The following ESRRB variants were observed in gnomAD, a reference collection of about 807,000 sequenced individuals.
ESRRB encodes the protein estrogen related receptor beta, also known as steroid hormone receptor ERR2.
Under a neutral mutation model 46.0 loss-of-function variants are expected in ESRRB, and 16 were observed. That is an observed-to-expected ratio of 0.35 (90% CI 0.24 to 0.53). The LOEUF (loss-of-function observed/expected upper bound fraction) is 0.53, where lower values mean the gene tolerates loss of function less well. ESRRB is among the 20% of genes least tolerant of loss of function. The probability of loss-of-function intolerance (pLI) is 0.93; values close to 1 mark genes in which losing one functional copy is unlikely to be tolerated. For synonymous variants in ESRRB, 246 were observed against 259.6 expected (o/e 0.95, Z 0.50); for missense variants, 488 against 607.4 (o/e 0.80, Z 2.07).
chr14:76,376,500 T>C lies in ESRRB; in HGVS notation c.50+49T>C. On this transcript the variant is annotated intron_variant, in intron 1 of 6. Transcript: ENST00000644823. This position sits in a 1 kb window ranked among gnomAD's most constrained non-coding sequence, Gnocchi z 4.1. ...GTCTGTCCTTCTGCCCGTCTGGCAG[T>C]CTCTGTCCTGGGGATCGCAGTTCCT... 1 of 1,201,636 alleles carries C rather than the reference T, an allele frequency of 8.3e-7. No homozygotes were observed. Among genetic ancestry groups the C allele is most frequent in the African/African-American group, 1.6e-5 (1 of 63,916 alleles). 74.4% of individuals were successfully genotyped at this position (1,201,636 alleles called of 1,614,324 possible). A position where few individuals can be genotyped will look rare whatever the true frequency, so the allele number is the denominator to read the frequency against.
chr14:76,312,432 A>G lies in ESRRB; in HGVS notation c.2+1516A>G, dbSNP rs576523665. Among the ~76,000 whole-genome samples the G allele has an allele frequency of 2.0e-5, 3 of 152,014 alleles. No homozygotes were observed. The East Asian group carries it at 5.8e-4, about 29-fold the overall frequency. On this transcript the variant is annotated intron_variant, in intron 1 of 6. Coordinates refer to the ESRRB transcript ENST00000512784. ...TTAATCCATTCATTCATTATTTTGG[A>G]CGGGAGAGTGGGGATCAGGAAGCAA... is the stretch of plus-strand genomic sequence containing the variant.
At chr14:76,387,789 A>G (rs1181475537) in intron 1 of ESRRB, among the ~76,000 whole-genome samples, 1 of 152,176 alleles carries the variant, frequency 6.6e-6, no homozygotes, top group East Asian at 1.9e-4. Context: ...CTGGGGAATC[A>G]TTTTAGGATT....
chr14:76,368,032 A>G (rs1309182467), upstream of ESRRB, among the ~76,000 whole-genome samples: 4 of 147,190 alleles, frequency 2.7e-5, no homozygotes, highest in African/African-American at 5.0e-5. Flanking sequence ...AGCTCACTGA[A>G]GTCCCCTCCT....
intron 1 of ESRRB, among the ~76,000 whole-genome samples, chr14:76,422,933 T>A (rs1326055875): frequency 6.6e-6 from 1 of 152,162 alleles, no homozygotes; most frequent in Non-Finnish European, 1.5e-5. Flanking sequence ...AGCAACCCCT[T>A]TCCAGCCCCA....
intron 1 of ESRRB, among the ~76,000 whole-genome samples, chr14:76,401,910 A>C (rs2139841883): frequency 6.6e-6 from 1 of 152,316 alleles, no homozygotes; most frequent in Admixed American, 6.5e-5. Flanking sequence ...CAAGTCCCAA[A>C]ATCTGCAGGG....
chr14:76,341,944 T>G (rs1230304708), intron 1 of ESRRB, among the ~76,000 whole-genome samples: 1 of 152,218 alleles, frequency 6.6e-6, no homozygotes, highest in Admixed American at 6.5e-5. Flanking sequence ...GAGGTGGTAC[T>G]CTGGCAAGAG....
At chr14:76,465,927 G>GGA (rs1889090025) in intron 3 of ESRRB, among the ~76,000 whole-genome samples, 1 of 152,220 alleles carries the variant, frequency 6.6e-6, no homozygotes, top group African/African-American at 2.4e-5. Flanking sequence ...AGCTCCGTGG[G>GGA]GACCGACCCC....
rs990078867 is a variant in ESRRB at position 76,376,255 on chromosome 14, C to A, written c.-147C>A. The A allele has an allele frequency of 5.1e-5, 24 of 475,196 alleles. No homozygotes were observed. Among genetic ancestry groups the A allele is most frequent in the Non-Finnish European group, 8.1e-5 (24 of 297,054 alleles). The allele number at this position is 475,196 out of a possible 1,614,324, so 29.4% of individuals were successfully genotyped here. On this transcript the variant is annotated 5_prime_UTR_variant, in exon 1 of 7. Coordinates refer to ENST00000644823, the MANE Select transcript of ESRRB (RefSeq NM_001379180.1). The surrounding 1 kb of genome is among the most constrained non-coding windows in gnomAD (Gnocchi z 4.1). ...CGCACGGCTCTCTGCCTCCCTCTCC[C>A]CCGCCGCGGCCGCCTCCTCCCACTC...
chr14:76,439,497 C>T lies in ESRRB; in HGVS notation c.207C>T (p.Ala69=), dbSNP rs979518909. 1.2e-6 allele frequency: 2 copies of T among 1,612,660 alleles called. No individual in the cohort carries two copies. Among genetic ancestry groups the T allele is most frequent in the South Asian group, 2.2e-5 (2 of 91,072 alleles). The part of the protein sequence containing the change: ...SSDASGGFGL[A]LGTHANGLDS... ...ACGCCAGCGGCGGCTTTGGCCTGGC[C>T]CTGGGCACCCACGCCAACGGTCTGG... The change falls in exon 2 of 7, where the codon GCC becomes GCT. Residue 69 remains alanine, a synonymous_variant. Transcript: ENST00000644823.
At position 76,447,791 on chromosome 14, in the gene ESRRB, C is replaced by A. The variant is rs573163619; in HGVS notation, c.460+8041C>A. 6.6e-5 allele frequency among the ~76,000 whole-genome samples: 10 copies of A among 152,252 alleles called. No individual in the cohort carries two copies. The East Asian group carries it at 1.7e-3, about 26-fold the overall frequency. On this transcript the variant is annotated intron_variant, in intron 2 of 6. Coordinates refer to ENST00000644823, the MANE Select transcript of ESRRB (RefSeq NM_001379180.1). ...TTCTCCCTCCTTCAGATCACTTGAC[C>A]CAGCAGCTTGTCTTCCTTCCCCTGC...
At chr14:76,407,435 T>G (rs1212831571) in intron 1 of ESRRB, 1 of 582,524 alleles carries the variant, frequency 1.7e-6, no homozygotes, top group Non-Finnish European at 2.2e-6. Flanking sequence ...AGAGCCTGCA[T>G]CGAGCAGAGC....
chr14:76,383,818 G>A (rs1002643620), intron 1 of ESRRB, among the ~76,000 whole-genome samples: 12 of 152,098 alleles, frequency 7.9e-5, no homozygotes, highest in Admixed American at 4.6e-4. Context: ...ATTCATGGCC[G>A]CTGGCTGGCT....
At chr14:76,415,508 A>G (rs1886658870) in intron 1 of ESRRB, among the ~76,000 whole-genome samples, 1 of 152,094 alleles carries the variant, frequency 6.6e-6, no homozygotes, top group Non-Finnish European at 1.5e-5. Context: ...AAAAATACAA[A>G]AATTAGCCAG....
chr14:76,404,042 C>T (rs1886059132), intron 1 of ESRRB, among the ~76,000 whole-genome samples: 1 of 152,164 alleles, frequency 6.6e-6, no homozygotes, highest in Non-Finnish European at 1.5e-5. Context: ...TCTTGTGCTC[C>T]AATCATTGGT....
At chr14:76,360,278 C>T (rs2139770836) in intron 1 of ESRRB, among the ~76,000 whole-genome samples, 1 of 152,268 alleles carries the variant, frequency 6.6e-6, no homozygotes, top group East Asian at 1.9e-4. Flanking sequence ...CAGCCATGCA[C>T]CTTTCTAGGG....
rs1936596461 is a variant in ESRRB at position 76,499,559 on chromosome 14, C to T, written c.*1101C>T. ...GGCTTCCCTTCCCTGCACTCAGCAT[C>T]ATGCCACAGGGCTAGTGTACCAGTG... On this transcript the variant is annotated 3_prime_UTR_variant, in exon 7 of 7. Coordinates refer to ENST00000644823, the MANE Select transcript of ESRRB (RefSeq NM_001379180.1). The T allele has an allele frequency of 8.4e-6, 4 of 474,798 alleles. No individual in the cohort carries two copies. The highest frequency in any genetic ancestry group is 3.9e-5 in the African/African-American group (2 of 51,078). 29.4% of individuals were successfully genotyped at this position (474,798 alleles called of 1,614,324 possible). A position where few individuals can be genotyped will look rare whatever the true frequency, so the allele number is the denominator to read the frequency against.
In ESRRB at chr14:76,439,666, G is replaced by A. The variant is rs1887834586; in HGVS notation, c.376G>A (p.Val126Met). ...LNAIPKRLCLVCGDIASGYHY... is the reference protein window; with the variant it reads ...LNAIPKRLCLMCGDIASGYHY... The stretch of plus-strand genomic sequence containing the variant: ...CGCCATCCCCAAGCGCCTGTGCCTC[G>A]TGTGCGGGGACATTGCCTCTGGCTA... The change falls in exon 2 of 7, where the codon GTG (valine) becomes ATG (methionine). Residue 126 changes from valine to methionine, a missense_variant. Coordinates refer to ENST00000644823, the MANE Select transcript of ESRRB (RefSeq NM_001379180.1). 2 of 1,614,250 alleles carry A rather than the reference G, an allele frequency of 1.2e-6. No homozygotes were observed. Among genetic ancestry groups the A allele is most frequent in the Non-Finnish European group, 1.7e-6 (2 of 1,180,040 alleles).
At chr14:76,410,154 G>T (rs1284231429) in intron 1 of ESRRB, among the ~76,000 whole-genome samples, 1 of 152,200 alleles carries the variant, frequency 6.6e-6, no homozygotes, top group East Asian at 1.9e-4. Flanking sequence ...AATCCAAGAG[G>T]TGGAGGTTGC....
chr14:76,460,451 G>A (rs1409150302), intron 2 of ESRRB, among the ~76,000 whole-genome samples: 1 of 152,224 alleles, frequency 6.6e-6, no homozygotes, highest in Non-Finnish European at 1.5e-5. Flanking sequence ...GCACACAGTA[G>A]GTGCACAATA....
Sources: allele counts gnomAD v4.1 joint callset (sites outside exome capture counted in the v4.1 genomes callset), GRCh38; gene constraint gnomAD v4.1.1; non-coding constraint Gnocchi (gnomAD v3.1); transcripts MANE v1.5; gene names NCBI Gene and HGNC (gene_info 2026-07-23, HGNC 2026-07-21).